The following OPCML variants were observed in gnomAD, a reference collection of about 807,000 sequenced individuals.
OPCML encodes opioid binding protein/cell adhesion molecule like.
Under a neutral mutation model 37.8 loss-of-function variants are expected in OPCML, and 13 were observed. That is an observed-to-expected ratio of 0.34 (90% CI 0.22 to 0.55). The LOEUF is 0.55. OPCML is among the 20% of genes least tolerant of loss of function. OPCML has a pLI of 0.91. For synonymous variants in OPCML, 176 were observed against 168.8 expected (o/e 1.04, Z -0.33); for missense variants, 341 against 435.6 (o/e 0.78, Z 1.93).
At chr11:132,682,705 G>C (rs1285643510) in intron 2 of OPCML, among the ~76,000 whole-genome samples, 2 of 152,174 alleles carry the variant, frequency 1.3e-5, no homozygotes, top group African/African-American at 4.8e-5. Flanking sequence ...ACGGAGGACC[G>C]AGACCTGTGT....
Position 132,512,363 on chromosome 11 carries a change from A to C in OPCML, c.505+16698T>G, listed in dbSNP as rs4937704. Among the ~76,000 whole-genome samples, 769 of 152,198 alleles carry C rather than the reference A, an allele frequency of 5.1e-3. 4 individuals are homozygous for C. Among genetic ancestry groups the C allele is most frequent in the Non-Finnish European group, 7.7e-3 (520 of 67,916 alleles). Reference sequence around the variant, plus strand: ...CAATTCTGCTCCTAAGTATTTACTCAAGAAAATTGTAAATATATGTCCAGA... The same window carrying C: ...CAATTCTGCTCCTAAGTATTTACTCCAGAAAATTGTAAATATATGTCCAGA... On this transcript the variant is annotated intron_variant, in intron 4 of 7. Coordinates refer to ENST00000524381, the MANE Select transcript of OPCML (RefSeq NM_001012393.5).
intron 1 of OPCML, among the ~76,000 whole-genome samples, chr11:133,169,362 T>TA (rs1950257847): frequency 6.6e-6 from 1 of 152,070 alleles, no homozygotes; most frequent in African/African-American, 2.4e-5. Flanking sequence ...TTTACTGAGT[T>TA]AAAAAATTAA....
intron 2 of OPCML, among the ~76,000 whole-genome samples, chr11:132,915,798 A>G (rs1182453162): frequency 6.6e-6 from 1 of 152,116 alleles, no homozygotes; most frequent in East Asian, 1.9e-4. Flanking sequence ...TTTTTTGTCT[A>G]CTTTCTATTG....
chr11:133,007,631 T>G, intron 1 of OPCML: 1 of 985,460 alleles, frequency 1.0e-6, no homozygotes, highest in Non-Finnish European at 1.2e-6. Context: ...TATTTTTATT[T>G]TGCATTTTTA....
rs1448001167 is a variant in OPCML, at chr11:132,529,139, C to T, written c.427G>A (p.Gly143Arg). The T allele has an allele frequency of 6.2e-7, 1 of 1,613,288 alleles. No individual in the cohort carries two copies. The highest frequency in any genetic ancestry group is 8.5e-7 in the Non-Finnish European group (1 of 1,179,510). ...AGACACAGCAGGGTCACACTGCTTCCCTCATTCACAGTGATGTCTGAGGAG... is the reference window on the plus strand; with the variant it reads ...AGACACAGCAGGGTCACACTGCTTCTCTCATTCACAGTGATGTCTGAGGAG... ...NISSDITVNE[G>R]SSVTLLCLAI... The change falls in exon 4 of 8, where the codon GGA becomes AGA. Residue 143 changes from glycine to arginine, a missense_variant. By Grantham distance (125) the Gly-to-Arg change is moderately radical. Coordinates refer to ENST00000524381, the MANE Select transcript of OPCML (RefSeq NM_001012393.5).
chr11:133,251,180 G>A (rs2136433784), intron 1 of OPCML, among the ~76,000 whole-genome samples: 1 of 152,182 alleles, frequency 6.6e-6, no homozygotes, highest in East Asian at 1.9e-4. Context: ...ACCTTCAAGG[G>A]TACTGAAAAC....
intron 1 of OPCML, among the ~76,000 whole-genome samples, chr11:133,146,936 A>G (rs1949905807): frequency 6.6e-6 from 1 of 152,184 alleles, no homozygotes. Flanking sequence ...TCCCCTCCTG[A>G]CCTTTGCTGA....
At chr11:132,487,367 C>T (rs1231074271) in intron 4 of OPCML, among the ~76,000 whole-genome samples, 1 of 152,188 alleles carries the variant, frequency 6.6e-6, no homozygotes, top group Non-Finnish European at 1.5e-5. Context: ...CTGACCTGGG[C>T]CATCATCTGC....
At chr11:133,334,004 G>A (rs141420130) in intron 1 of OPCML, among the ~76,000 whole-genome samples, 4 of 152,188 alleles carry the variant, frequency 2.6e-5, no homozygotes, top group Non-Finnish European at 5.9e-5. Context: ...AGATGCTGGT[G>A]AGGTTGTGGA....
intron 1 of OPCML, among the ~76,000 whole-genome samples, chr11:133,407,812 T>G (rs977802095): frequency 4.6e-5 from 7 of 152,188 alleles, no homozygotes. Context: ...ATACCCATGC[T>G]TTATCCTTTC....
chr11:133,483,400 ATGAT>A (rs1446195336), intron 1 of OPCML, among the ~76,000 whole-genome samples: 1 of 151,960 alleles, frequency 6.6e-6, no homozygotes, highest in Non-Finnish European at 1.5e-5. Flanking sequence ...AGATAAATAG[ATGAT>A]TGATAGATTA....
intron 4 of OPCML, among the ~76,000 whole-genome samples, chr11:132,493,407 C>T (rs2096222143): frequency 1.3e-5 from 2 of 152,224 alleles, no homozygotes; most frequent in African/African-American, 2.4e-5. Flanking sequence ...GCAATTTCTA[C>T]ACTGATCCCC....
chr11:132,658,235 T>C (rs1485722571), intron 2 of OPCML, among the ~76,000 whole-genome samples: 1 of 152,134 alleles, frequency 6.6e-6, no homozygotes, highest in African/African-American at 2.4e-5. Flanking sequence ...ATGCTGCACA[T>C]AGGAATGCAC....
chr11:132,920,598 G>C (rs557058702), intron 2 of OPCML, among the ~76,000 whole-genome samples: 1 of 152,080 alleles, frequency 6.6e-6, no homozygotes, highest in Non-Finnish European at 1.5e-5. Flanking sequence ...GGACAGCCGC[G>C]GCCCCTGGGA....
chr11:133,018,439 G>A (rs1289672388), intron 1 of OPCML, among the ~76,000 whole-genome samples: 1 of 150,948 alleles, frequency 6.6e-6, no homozygotes, highest in Non-Finnish European at 1.5e-5. Flanking sequence ...CTTTTGAAAC[G>A]TGGCCAGCCA....
intron 2 of OPCML, among the ~76,000 whole-genome samples, chr11:132,910,230 G>A (rs1944382391): frequency 6.6e-6 from 1 of 151,418 alleles, no homozygotes; most frequent in African/African-American, 2.4e-5. Context: ...CAGGCCTCGG[G>A]ACTGGCAGTG....
rs569458590 is a variant in OPCML, at chr11:133,480,607, T to C, written c.61+51657A>G. 4.6e-5 allele frequency among the ~76,000 whole-genome samples: 7 copies of C among 152,358 alleles called. No homozygotes were observed. The South Asian group carries it at 1.2e-3, about 27-fold the overall frequency. Reference sequence around the variant, plus strand: ...TGACTGTAAAATCCTATCCATTCTCTACCAGGTCTGGATTAAACCTCCTAT... The same window carrying C: ...TGACTGTAAAATCCTATCCATTCTCCACCAGGTCTGGATTAAACCTCCTAT... On this transcript the variant is annotated intron_variant, in intron 1 of 7. Transcript: ENST00000524381.
chr11:133,052,301 G>A (rs1948146392), intron 1 of OPCML, among the ~76,000 whole-genome samples: 1 of 152,132 alleles, frequency 6.6e-6, no homozygotes, highest in Non-Finnish European at 1.5e-5. Flanking sequence ...AAACAGACCA[G>A]CATTATAGAA....
At chr11:133,446,083 T>C (rs1946468854) in intron 1 of OPCML, among the ~76,000 whole-genome samples, 1 of 152,220 alleles carries the variant, frequency 6.6e-6, no homozygotes. Flanking sequence ...CTCATTCTGC[T>C]AATAAGATTC....
Sources: allele counts gnomAD v4.1 joint callset (sites outside exome capture counted in the v4.1 genomes callset), GRCh38; gene constraint gnomAD v4.1.1; transcripts MANE v1.5; gene names NCBI Gene and HGNC (gene_info 2026-07-23, HGNC 2026-07-21).